TLL2: variants seen among roughly 807,000 people sequenced by gnomAD.
TLL2 encodes the protein tolloid like 2.
Under a neutral mutation model 123.0 loss-of-function variants are expected in TLL2, and 106 were observed. That is an observed-to-expected ratio of 0.86 (90% CI 0.74 to 1.01). The LOEUF is 1.01. Ranked by LOEUF, TLL2 falls within the 50% of genes least tolerant of loss-of-function variation. The probability of loss-of-function intolerance (pLI) is 0.00; values close to 1 mark genes in which losing one functional copy is unlikely to be tolerated. For missense variants in TLL2, 1,332 were observed against 1,336.7 expected, an observed-to-expected ratio of 1.00 and a Z score of 0.06; for synonymous variants, 494 against 516.8, an observed-to-expected ratio of 0.96 and a Z score of 0.60.
At chr10:96,503,377 A>C (rs995084197) in intron 1 of TLL2, among the ~76,000 whole-genome samples, 1 of 152,230 alleles carries the variant, frequency 6.6e-6, no homozygotes, top group African/African-American at 2.4e-5. Context: ...AAACAAGATT[A>C]TATGATGGGT....
At chr10:96,498,396 G>C (rs1847499959) in intron 1 of TLL2, among the ~76,000 whole-genome samples, 1 of 152,180 alleles carries the variant, frequency 6.6e-6, no homozygotes, top group Non-Finnish European at 1.5e-5. Context: ...TAACATTCTA[G>C]AAGATTTGAC....
In TLL2 at chr10:96,422,613, C is replaced by G; in HGVS notation, c.753G>C (p.Trp251Cys). ...AHELGHVVGF[W>C]HEHTRPDRDQ... ...CTCTGTCTGGCCGGGTGTGTTCATG[C>G]CAAAACCCAACCACATGGCCCAGCT... The change falls in exon 6 of 21, where the codon TGG (tryptophan) becomes TGC (cysteine). Residue 251 changes from tryptophan (W) to cysteine (C), a missense_variant. By Grantham distance (215) the Trp-to-Cys change is radical (BLOSUM62 -2). Transcript: ENST00000357947. 6.2e-7 allele frequency: 1 copy of G among 1,614,170 alleles called. No homozygotes were observed. The highest frequency in any genetic ancestry group is 1.7e-5 in the Admixed American group (1 of 60,020).
At chr10:96,409,102 G>A (rs1158274600) in intron 9 of TLL2, among the ~76,000 whole-genome samples, 1 of 152,322 alleles carries the variant, frequency 6.6e-6, no homozygotes, top group African/African-American at 2.4e-5. Flanking sequence ...AATACCTGAA[G>A]GTTGGCTACA....
intron 18 of TLL2, chr10:96,375,368 G>A (rs1385167026): frequency 6.6e-6 from 1 of 152,206 alleles, no homozygotes; most frequent in African/African-American, 2.4e-5. Context: ...CCAAGGGAAC[G>A]CCTTTTGGAA....
chr10:96,411,339 T>C (rs923400475), intron 8 of TLL2, among the ~76,000 whole-genome samples: 6 of 151,092 alleles, frequency 4.0e-5, no homozygotes, highest in African/African-American at 1.5e-4. Flanking sequence ...TTGAAACTTA[T>C]TTCAGCTGTT....
At chr10:96,441,147 C>T (rs1846847545) in intron 3 of TLL2, among the ~76,000 whole-genome samples, 1 of 152,240 alleles carries the variant, frequency 6.6e-6, no homozygotes, top group South Asian at 2.1e-4. Context: ...GCTGAAGGCA[C>T]AGCCATGTCA....
At chr10:96,456,459 G>A (rs1847017071) in intron 2 of TLL2, among the ~76,000 whole-genome samples, 1 of 152,194 alleles carries the variant, frequency 6.6e-6, no homozygotes, top group African/African-American at 2.4e-5. Context: ...TGAGTCCACA[G>A]AGAAGCTGTC....
At chr10:96,496,195 G>A (rs764944526) in intron 1 of TLL2, among the ~76,000 whole-genome samples, 14 of 152,054 alleles carry the variant, frequency 9.2e-5, no homozygotes, top group Non-Finnish European at 1.8e-4. Flanking sequence ...ATTCCTAATT[G>A]ATCACAGCTC....
intron 13 of TLL2, among the ~76,000 whole-genome samples, chr10:96,387,473 C>T (rs892143394): frequency 1.2e-4 from 18 of 152,090 alleles, no homozygotes; most frequent in Non-Finnish European, 2.4e-4. Context: ...TGCAACTTCT[C>T]AGAGATATTA....
intron 2 of TLL2, among the ~76,000 whole-genome samples, chr10:96,478,382 C>T (rs1368479093): frequency 6.6e-6 from 1 of 152,244 alleles, no homozygotes; most frequent in African/African-American, 2.4e-5. Flanking sequence ...TATGCACCCA[C>T]TTAGAGCGTA....
In TLL2 at chr10:96,367,630, A is replaced by G. The variant is rs899738422; in HGVS notation, c.*458T>C. On this transcript the variant is annotated 3_prime_UTR_variant, in exon 21 of 21. Coordinates refer to ENST00000357947, the MANE Select transcript of TLL2 (RefSeq NM_012465.4). ...TGGCAGAGAGAAAGAAAATGATTCC[A>G]GCCAAAGCTGTGGGCCACACATTAG... 10 of 155,438 alleles carry G rather than the reference A, an allele frequency of 6.4e-5. No individual in the cohort carries two copies. The highest frequency in any genetic ancestry group is 2.4e-4 in the African/African-American group (10 of 41,512). 9.6% of individuals were successfully genotyped at this position (155,438 alleles called of 1,614,324 possible).
At chr10:96,458,182 C>T (rs1262529397) in intron 2 of TLL2, among the ~76,000 whole-genome samples, 1 of 151,984 alleles carries the variant, frequency 6.6e-6, no homozygotes, top group African/African-American at 2.4e-5. Flanking sequence ...GGGAGGAGAG[C>T]TGCTTAGGTG....
intron 2 of TLL2, among the ~76,000 whole-genome samples, chr10:96,473,598 G>T (rs1188694018): frequency 6.6e-6 from 1 of 152,170 alleles, no homozygotes; most frequent in African/African-American, 2.4e-5. Flanking sequence ...AGGAGTTTAG[G>T]AAGTGAGGAT....
chr10:96,441,489 G>T (rs1423142518), intron 3 of TLL2, among the ~76,000 whole-genome samples: 3 of 152,176 alleles, frequency 2.0e-5, no homozygotes, highest in African/African-American at 7.2e-5. Flanking sequence ...TGGAGTCAAG[G>T]CACCTGCAGT....
At chr10:96,490,891 C>G (rs568493934) in intron 1 of TLL2, among the ~76,000 whole-genome samples, 1 of 152,266 alleles carries the variant, frequency 6.6e-6, no homozygotes, top group East Asian at 1.9e-4. Context: ...CAACATCCCT[C>G]AAGGAAATCG....
chr10:96,445,465 A>C (rs11188757), intron 3 of TLL2, among the ~76,000 whole-genome samples: 42,726 of 152,066 alleles, frequency 0.28, 6,169 homozygotes, highest in Non-Finnish European at 0.31. Flanking sequence ...GCTCCTGGCT[A>C]CCTGCCCACA....
intron 19 of TLL2, chr10:96,373,395 C>G: frequency 1.9e-6 from 1 of 525,758 alleles, no homozygotes; most frequent in Non-Finnish European, 3.4e-6. Context: ...CCTGCCTCGG[C>G]CTCCCAAAGT....
chr10:96,382,093 C>G (rs1415650302), intron 16 of TLL2, among the ~76,000 whole-genome samples: 1 of 151,804 alleles, frequency 6.6e-6, no homozygotes. Context: ...TTTGAGACGG[C>G]ATCTTGCTCT....
intron 2 of TLL2, among the ~76,000 whole-genome samples, chr10:96,473,824 T>C (rs553741736): frequency 1.5e-4 from 23 of 152,292 alleles, no homozygotes; most frequent in African/African-American, 4.8e-4. Context: ...TCCTGGACTC[T>C]TTGGGGAACA....
Sources: allele counts gnomAD v4.1 joint callset (sites outside exome capture counted in the v4.1 genomes callset), GRCh38; gene constraint gnomAD v4.1.1; transcripts MANE v1.5; gene names NCBI Gene and HGNC (gene_info 2026-07-23, HGNC 2026-07-21).